Variants in DRC11 observed in about 807,000 individuals in gnomAD.
The protein encoded by DRC11 is IQ and AAA domain-containing protein 1.
the DRC11 span, among the ~76,000 whole-genome samples, chr2:236,478,863 C>T: frequency 1.4e-5 from 2 of 147,316 alleles, no homozygotes; most frequent in Non-Finnish European, 3.0e-5. The surrounding 1 kb of genome is among the most constrained non-coding windows in gnomAD (Gnocchi z 5.9). Context: ...CTTGCTCTGT[C>T]ACCCAGGCTG....
At chr2:236,460,279 A>G in the DRC11 span, among the ~76,000 whole-genome samples, 2 of 152,016 alleles carry the variant, frequency 1.3e-5, no homozygotes, top group Non-Finnish European at 2.9e-5. This position sits in a 1 kb window ranked among gnomAD's most constrained non-coding sequence, Gnocchi z 4.0. Context: ...GACACCAGAT[A>G]AAGTGTTCTC....
chr2:236,316,647 A>G, the DRC11 span, among the ~76,000 whole-genome samples: 1,100 of 152,336 alleles, frequency 7.2e-3, 7 homozygotes, highest in Middle Eastern at 0.034. The surrounding 1 kb of genome is among the most constrained non-coding windows in gnomAD (Gnocchi z 6.8). Context: ...GTAATATTCA[A>G]GTGATCACTA....
the DRC11 span, chr2:236,368,111 GA>G: frequency 1.2e-6 from 1 of 838,082 alleles, no homozygotes; most frequent in East Asian, 2.6e-5. Flanking sequence ...TACTTTTGAT[GA>G]CAAACAGGAA....
At chr2:236,340,259 G>A in the DRC11 span, among the ~76,000 whole-genome samples, 1 of 152,136 alleles carries the variant, frequency 6.6e-6, no homozygotes, top group Non-Finnish European at 1.5e-5. Flanking sequence ...TGAGTAGCTG[G>A]GATTACAGGT....
At chr2:236,379,867 C>G in the DRC11 span, among the ~76,000 whole-genome samples, 11 of 149,968 alleles carry the variant, frequency 7.3e-5, no homozygotes, top group African/African-American at 2.2e-4. Context: ...AGGGAACCCC[C>G]AAACAGGGGA....
At chr2:236,471,604 G>T in the DRC11 span, among the ~76,000 whole-genome samples, 2 of 152,190 alleles carry the variant, frequency 1.3e-5, no homozygotes, top group African/African-American at 4.8e-5. The surrounding 1 kb of genome is among the most constrained non-coding windows in gnomAD (Gnocchi z 4.6). Flanking sequence ...CTTACTGCAT[G>T]CTACTACTGC....
chr2:236,415,136 TCA>T, the DRC11 span, among the ~76,000 whole-genome samples: 2 of 152,150 alleles, frequency 1.3e-5, no homozygotes, highest in Non-Finnish European at 2.9e-5. This position sits in a 1 kb window ranked among gnomAD's most constrained non-coding sequence, Gnocchi z 5.7. Context: ...GTTGAAATAT[TCA>T]GATAGGATTA....
At chr2:236,445,148 A>G in the DRC11 span, among the ~76,000 whole-genome samples, 1 of 152,176 alleles carries the variant, frequency 6.6e-6, no homozygotes, top group Non-Finnish European at 1.5e-5. The surrounding 1 kb of genome is among the most constrained non-coding windows in gnomAD (Gnocchi z 4.8). Flanking sequence ...TTATTTTCGT[A>G]TTGTAAAGCT....
At chr2:236,482,845 C>A in the DRC11 span, among the ~76,000 whole-genome samples, 1 of 152,140 alleles carries the variant, frequency 6.6e-6, no homozygotes, top group African/African-American at 2.4e-5. The surrounding 1 kb of genome is among the most constrained non-coding windows in gnomAD (Gnocchi z 4.5). Flanking sequence ...TATACAGAAC[C>A]ATTTCAATGT....
chr2:236,325,997 T>G, the DRC11 span, among the ~76,000 whole-genome samples: 1 of 152,250 alleles, frequency 6.6e-6, no homozygotes, highest in East Asian at 1.9e-4. This position sits in a 1 kb window ranked among gnomAD's most constrained non-coding sequence, Gnocchi z 4.4. Flanking sequence ...CCTTAGTACT[T>G]TGTAGATATT....
chr2:236,440,738 A>C, the DRC11 span, among the ~76,000 whole-genome samples: 1 of 152,116 alleles, frequency 6.6e-6, no homozygotes, highest in Non-Finnish European at 1.5e-5. Flanking sequence ...CTTGGAGATG[A>C]GGGGAGAGGG....
the DRC11 span, among the ~76,000 whole-genome samples, chr2:236,494,340 AT>A: frequency 3.9e-5 from 6 of 152,116 alleles, no homozygotes; most frequent in African/African-American, 1.2e-4. The surrounding 1 kb of genome is among the most constrained non-coding windows in gnomAD (Gnocchi z 4.2). Flanking sequence ...ATTTGGTTTT[AT>A]TTTTACCAAA....
chr2:236,356,460 T>G, the DRC11 span, among the ~76,000 whole-genome samples: 2 of 152,160 alleles, frequency 1.3e-5, no homozygotes, highest in Non-Finnish European at 2.9e-5. Context: ...GGGTGGGGCA[T>G]GCGGAGCCGA....
the DRC11 span, among the ~76,000 whole-genome samples, chr2:236,318,281 G>C: frequency 2.0e-5 from 3 of 152,180 alleles, no homozygotes; most frequent in South Asian, 6.2e-4. The surrounding 1 kb of genome is among the most constrained non-coding windows in gnomAD (Gnocchi z 7.0). Context: ...GCACCTGCCA[G>C]ACCTCCCTGT....
the DRC11 span, among the ~76,000 whole-genome samples, chr2:236,459,535 G>GTGTATACATACGTA: frequency 9.0e-4 from 96 of 106,292 alleles, 2 homozygotes; most frequent in Middle Eastern, 6.8e-3. Context: ...ACATGTATAC[G>GTGTATACATACGTA]TATACGTATA....
the DRC11 span, among the ~76,000 whole-genome samples, chr2:236,499,059 G>A: frequency 6.6e-6 from 1 of 152,184 alleles, no homozygotes; most frequent in African/African-American, 2.4e-5. The surrounding 1 kb of genome is among the most constrained non-coding windows in gnomAD (Gnocchi z 4.7). Context: ...CTAATCCCCT[G>A]AAGGAGAAGC....
At chr2:236,455,703 C>T in the DRC11 span, among the ~76,000 whole-genome samples, 7 of 152,140 alleles carry the variant, frequency 4.6e-5, no homozygotes, top group Admixed American at 6.5e-5. This position sits in a 1 kb window ranked among gnomAD's most constrained non-coding sequence, Gnocchi z 5.7. Flanking sequence ...AAGCTGAACT[C>T]GCAGAACTGT....
At chr2:236,357,232 TGTA>T in the DRC11 span, among the ~76,000 whole-genome samples, 1 of 116,260 alleles carries the variant, frequency 8.6e-6, no homozygotes, top group African/African-American at 3.9e-5. Context: ...CTATTATAAA[TGTA>T]TATTCATATA....
chr2:236,402,434 C>T, the DRC11 span, among the ~76,000 whole-genome samples: 8 of 152,214 alleles, frequency 5.3e-5, no homozygotes, highest in Admixed American at 5.2e-4. This position sits in a 1 kb window ranked among gnomAD's most constrained non-coding sequence, Gnocchi z 6.0. Flanking sequence ...CTGTGTCTTT[C>T]AGCTTTGCAT....
Sources: allele counts gnomAD v4.1 joint callset (sites outside exome capture counted in the v4.1 genomes callset), GRCh38; gene constraint gnomAD v4.1.1; non-coding constraint Gnocchi (gnomAD v3.1); transcripts MANE v1.5; gene names NCBI Gene and HGNC (gene_info 2026-07-23, HGNC 2026-07-21).